The following ZFAND3 variants were observed in gnomAD, a reference collection of about 807,000 sequenced individuals.
ZFAND3 encodes the protein AN1-type zinc finger protein 3.
ZFAND3 carries 10 observed loss-of-function variants against 29.6 expected under a neutral mutation model. The ratio of observed to expected loss-of-function variants is 0.34; its 90% CI spans 0.21 to 0.57. The LOEUF is 0.57. Among genes scored for constraint, ZFAND3 ranks in the 20% least tolerant of loss-of-function variants. ZFAND3 has a pLI of 0.86. For synonymous variants in ZFAND3, 128 were observed against 112.6 expected (o/e 1.14, Z -0.87); for missense variants, 230 against 304.5 (o/e 0.76, Z 1.82).
At chr6:38,152,074 G>C (rs146313169) in intron 5 of ZFAND3, among the ~76,000 whole-genome samples, 161 bp from the exon 6 acceptor site, 1 of 152,326 alleles carries the variant, frequency 6.6e-6, no homozygotes, top group East Asian at 1.9e-4. Context: ...CCAGGGTGCA[G>C]GTGTTGGAGT....
rs1299199498 is a variant in ZFAND3 at position 38,082,394 on chromosome 6, G to A, written c.298G>A (p.Gly100Arg). Residue 100 changes from glycine (G) to arginine (R), a missense_variant and splice_region_variant, in exon 4 of 6, where the codon GGG (glycine) becomes AGG (arginine). Around this residue, in one of 2 missense-constraint regions of ZFAND3, gnomAD observed 180 missense variants for 202.5 expected, o/e 0.89. Coordinates refer to ENST00000287218, the MANE Select transcript of ZFAND3 (RefSeq NM_021943.3). ...TGCACCTGCCTTTCTGTTTCTAGGT[G>A]GGCCATGCACAGACACAGCTCATGT... ...NVTSPSKEEC[G>R]PCTDTAHVSL... The A allele has an allele frequency of 4.3e-6, 7 of 1,611,188 alleles. No homozygotes were observed. The highest frequency in any genetic ancestry group is 2.7e-5 in the African/African-American group (2 of 74,712).
chr6:37,900,741 G>A (rs1765305029), intron 1 of ZFAND3, among the ~76,000 whole-genome samples: 1 of 152,130 alleles, frequency 6.6e-6, no homozygotes, highest in South Asian at 2.1e-4. Flanking sequence ...TCGTCATGGA[G>A]CTTTTATGGA....
At chr6:37,918,189 G>C (rs1342250544) in intron 1 of ZFAND3, among the ~76,000 whole-genome samples, 7 of 152,016 alleles carry the variant, frequency 4.6e-5, no homozygotes, top group Non-Finnish European at 1.0e-4. Flanking sequence ...TCATTCTCTT[G>C]CCTCAGCCTC....
chr6:37,974,363 C>T (rs1261396018), intron 2 of ZFAND3, among the ~76,000 whole-genome samples: 1 of 149,884 alleles, frequency 6.7e-6, no homozygotes, highest in Non-Finnish European at 1.5e-5. Context: ...CCGTGCCTGG[C>T]CTGAAATCAT....
At chr6:37,827,670 A>G (rs559686923) in intron 1 of ZFAND3, among the ~76,000 whole-genome samples, 14 of 152,362 alleles carry the variant, frequency 9.2e-5, no homozygotes, top group Admixed American at 2.0e-4. Context: ...CATGTCATCC[A>G]TGAGGCTGAG....
rs1445839624 is a variant in ZFAND3 at position 38,124,795 on chromosome 6, T to A, written c.529+8056T>A. Among the ~76,000 whole-genome samples the A allele has an allele frequency of 5.3e-5, 8 of 152,064 alleles. No individual in the cohort carries two copies. In the East Asian group the frequency reaches 1.5e-3, roughly 29 times the overall value. On this transcript the variant is annotated intron_variant, in intron 5 of 5. Transcript: ENST00000287218. ...CGCAGTGGCGGGCTGAAGGGCTCCC[T>A]GAGCATGGCCAGAGCGGACGCTGAG...
chr6:37,917,684 T>C (rs1386401424), intron 1 of ZFAND3, among the ~76,000 whole-genome samples: 1 of 152,206 alleles, frequency 6.6e-6, no homozygotes, highest in African/African-American at 2.4e-5. Context: ...AATGAATATT[T>C]TGAACTTTGA....
chr6:37,977,879 C>T (rs1762515117), intron 2 of ZFAND3, among the ~76,000 whole-genome samples: 2 of 133,190 alleles, frequency 1.5e-5, no homozygotes, highest in South Asian at 5.1e-4. Context: ...TTTCCTTCTT[C>T]CTTCCTTTCT....
chr6:37,986,590 G>A lies in ZFAND3; in HGVS notation c.112+56591G>A, dbSNP rs527998029. Among the ~76,000 whole-genome samples the A allele has an allele frequency of 1.3e-4, 20 of 152,196 alleles. No individual in the cohort carries two copies. The South Asian group carries it at 2.7e-3, about 21-fold the overall frequency. ...ATAAGCGTTTAATTAGTGAAAACCC[G>A]ACTACCTCCCAACCCCGTCTGTCCA... On this transcript the variant is annotated intron_variant, in intron 2 of 5. Transcript: ENST00000287218.
At chr6:38,144,184 A>AATATATATATATAT (rs1554183921) in intron 5 of ZFAND3, among the ~76,000 whole-genome samples, 25 of 42,532 alleles carry the variant, frequency 5.9e-4, no homozygotes, top group African/African-American at 1.9e-3. Context: ...ATATATATAT[A>AATATATATATATAT]ATATATATAT....
chr6:37,876,613 AT>A (rs2127390185), intron 1 of ZFAND3, among the ~76,000 whole-genome samples: 1 of 152,302 alleles, frequency 6.6e-6, no homozygotes, highest in African/African-American at 2.4e-5. Context: ...GAGATAGTTA[AT>A]TTTATCTCTG....
At chr6:37,915,937 T>G (rs1460381000) in intron 1 of ZFAND3, among the ~76,000 whole-genome samples, 3 of 152,084 alleles carry the variant, frequency 2.0e-5, no homozygotes, top group Non-Finnish European at 4.4e-5. Flanking sequence ...GCCCAGCTAA[T>G]TTTTTATTTT....
intron 1 of ZFAND3, among the ~76,000 whole-genome samples, chr6:37,857,081 C>T (rs936773357): frequency 1.3e-5 from 2 of 152,014 alleles, no homozygotes; most frequent in Non-Finnish European, 2.9e-5. Flanking sequence ...TAGCTGGGAC[C>T]ACTGACAAAC....
intron 2 of ZFAND3, among the ~76,000 whole-genome samples, chr6:38,018,784 T>G (rs1763295165): frequency 6.6e-6 from 1 of 152,198 alleles, no homozygotes; most frequent in Non-Finnish European, 1.5e-5. Flanking sequence ...CATGCAAGAT[T>G]ATATCTGTAA....
intron 2 of ZFAND3, among the ~76,000 whole-genome samples, chr6:37,969,351 G>A (rs1394279297): frequency 2.0e-5 from 3 of 152,178 alleles, no homozygotes; most frequent in Non-Finnish European, 4.4e-5. Context: ...ATTGTAAGTT[G>A]AAAATGCCGT....
rs905460825 is a variant in ZFAND3, at chr6:38,104,883, G to A, written c.362-11689G>A. Among the ~76,000 whole-genome samples the A allele has an allele frequency of 3.3e-5, 5 of 152,266 alleles. No homozygotes were observed. In the East Asian group the frequency reaches 7.7e-4, roughly 24 times the overall value. ...CAGAAAGTAGCAGAAAGTTGTCTTC[G>A]TAATAAGGTACTCTTATGGGAAAGC... On this transcript the variant is annotated intron_variant, in intron 4 of 5. Coordinates refer to ENST00000287218, the MANE Select transcript of ZFAND3 (RefSeq NM_021943.3).
intron 2 of ZFAND3, among the ~76,000 whole-genome samples, chr6:37,976,259 G>A (rs1167199040): frequency 6.6e-6 from 1 of 152,114 alleles, no homozygotes. Context: ...CTATAAAGAT[G>A]TATTAGTCCA....
At chr6:37,979,533 A>T (rs529148595) in intron 2 of ZFAND3, among the ~76,000 whole-genome samples, 1 of 152,292 alleles carries the variant, frequency 6.6e-6, no homozygotes, top group South Asian at 2.1e-4. Context: ...CTCAATGTAG[A>T]GTTAATTGTT....
Position 38,041,623 on chromosome 6 carries a change from ATCTACTTTTTCTTCTTCTTCTTCT to A in ZFAND3, c.113-19966_113-19943del, listed in dbSNP as rs1215558431. Reference sequence around the variant, plus strand: ...TTTGTGATGTCACCACTGTTTTTTTATCTACTTTTTCTTCTTCTTCTTCTTCTTCTTCTTCTTCTTCTTCTTCTT... The same window carrying A: ...TTTGTGATGTCACCACTGTTTTTTTATCTTCTTCTTCTTCTTCTTCTTCTT... On this transcript the variant is annotated intron_variant, in intron 2 of 5. Coordinates refer to ENST00000287218, the MANE Select transcript of ZFAND3 (RefSeq NM_021943.3). Among the ~76,000 whole-genome samples the A allele has an allele frequency of 5.4e-4, 55 of 102,434 alleles. 1 individual carries two copies. The highest frequency in any genetic ancestry group is 1.6e-3 in the East Asian group (7 of 4,410). The allele number at this position is 102,434 out of a possible 152,430, so 67.2% of individuals were successfully genotyped here.
Sources: gnomAD v4.1 joint callset for allele counts (sites outside exome capture counted in the v4.1 genomes callset) on GRCh38, gnomAD v4.1.1 for gene constraint, gnomAD v4.1.1 regional missense constraint, MANE v1.5 for transcripts, NCBI Gene and HGNC (gene_info 2026-07-23, HGNC 2026-07-21) for gene names.